IQSEC3: variants seen among roughly 807,000 people sequenced by gnomAD.
IQSEC3 encodes IQ motif and Sec7 domain ArfGEF 3, also known as IQ motif and SEC7 domain-containing protein 3.
A neutral mutation model predicts 105.4 loss-of-function variants in IQSEC3; 50 were observed. That is an observed-to-expected ratio of 0.47 (90% CI 0.38 to 0.60). IQSEC3 has a LOEUF of 0.60. Among genes scored for constraint, IQSEC3 ranks in the 20% least tolerant of loss-of-function variants. The pLI is 0.00. For missense variants in IQSEC3, 1,415 were observed against 1,630.0 expected (o/e 0.87, Z 2.27); for synonymous variants, 708 against 746.0 (o/e 0.95, Z 0.83).
chr12:146,538 C>T (rs7961026), intron 5 of IQSEC3, among the ~76,000 whole-genome samples: 82,227 of 151,910 alleles, frequency 0.54, 22,365 homozygotes, highest in Admixed American at 0.58. Context: ...CCCAGCTACT[C>T]GGGAGGCCAA....
chr12:150,963 G>T (rs1470125862), intron 5 of IQSEC3, among the ~76,000 whole-genome samples: 2 of 141,092 alleles, frequency 1.4e-5, no homozygotes, highest in African/African-American at 5.3e-5. Context: ...TCTCCAGCAT[G>T]TGTCTGCACC....
intron 1 of IQSEC3, among the ~76,000 whole-genome samples, chr12:97,290 A>G (rs1864269303): frequency 6.6e-6 from 1 of 152,010 alleles, no homozygotes; most frequent in African/African-American, 2.4e-5. Context: ...ATACTTTCCT[A>G]GTCTATCATG....
In IQSEC3 at chr12:151,422, C is replaced by T. The variant is rs1364694081; in HGVS notation, c.2154-5603C>T. On this transcript the variant is annotated intron_variant, in intron 5 of 13. Transcript: ENST00000538872. The stretch of plus-strand genomic sequence containing the variant: ...ACCTCGAGTCCCATCTGTTCTTCCT[C>T]TAAGATGCAGCTGGATCATTCATTC... 3.3e-5 allele frequency among the ~76,000 whole-genome samples: 5 copies of T among 152,188 alleles called. No homozygotes were observed. The East Asian group carries it at 9.6e-4, about 29-fold the overall frequency.
At chr12:122,218 T>C (rs1555082082) in intron 2 of IQSEC3, among the ~76,000 whole-genome samples, 1 of 152,178 alleles carries the variant, frequency 6.6e-6, no homozygotes, top group Non-Finnish European at 1.5e-5. Flanking sequence ...GCCTGGAACC[T>C]TGGGGCCAGT....
At position 138,437 on chromosome 12, in the gene IQSEC3, A is replaced by T. The variant is rs1555087166; in HGVS notation, c.1074A>T (p.Ser358=). The part of the protein sequence containing the change: ...PRRISLRKVR[S]PTAESLAAEK... ...GGATCTCCCTGCGCAAGGTGCGGTC[A>T]CCCACGGCCGAGAGCCTGGCGGCCG... is the stretch of plus-strand genomic sequence containing the variant. Residue 358 remains serine, a synonymous_variant, in exon 4 of 14, where the codon TCA becomes TCT. Coordinates refer to ENST00000538872, the MANE Select transcript of IQSEC3 (RefSeq NM_001170738.2). The surrounding 1 kb of genome is among the most constrained non-coding windows in gnomAD (Gnocchi z 7.1). 1 of 1,605,780 alleles carries T rather than the reference A, an allele frequency of 6.2e-7. No homozygotes were observed. The highest frequency in any genetic ancestry group is 8.5e-7 in the Non-Finnish European group (1 of 1,179,418).
intron 1 of IQSEC3, among the ~76,000 whole-genome samples, chr12:70,135 G>A (rs1483991298): frequency 2.0e-5 from 3 of 152,270 alleles, no homozygotes; most frequent in Admixed American, 6.5e-5. Flanking sequence ...CCCCACTGAG[G>A]TGGCTGAAGA....
chr12:87,515 C>T (rs1344827842), intron 1 of IQSEC3, among the ~76,000 whole-genome samples: 7 of 152,136 alleles, frequency 4.6e-5, no homozygotes, highest in African/African-American at 1.7e-4. Context: ...TGCTAGGCCT[C>T]TGGGGGAAGA....
intron 5 of IQSEC3, chr12:142,166 G>A (rs76270974): frequency 6.6e-6 from 1 of 152,278 alleles, no homozygotes; most frequent in African/African-American, 2.4e-5. Context: ...GTCAGCAGAA[G>A]TGTCTCCCCG....
intron 7 of IQSEC3, among the ~76,000 whole-genome samples, chr12:161,560 G>A (rs979731652): frequency 1.3e-5 from 2 of 152,246 alleles, no homozygotes; most frequent in East Asian, 3.9e-4. Flanking sequence ...GGGTGGAGCT[G>A]GGGGGTGAGA....
intron 3 of IQSEC3, among the ~76,000 whole-genome samples, chr12:132,209 G>A (rs1394231316): frequency 2.0e-5 from 3 of 152,142 alleles, no homozygotes; most frequent in African/African-American, 7.2e-5. Context: ...GGGAGTTGAG[G>A]TTGGGGAGAG....
At chr12:71,500 A>G (rs1389496463) in intron 1 of IQSEC3, among the ~76,000 whole-genome samples, 2 of 152,282 alleles carry the variant, frequency 1.3e-5, no homozygotes, top group Non-Finnish European at 2.9e-5. Flanking sequence ...TGAGTATACA[A>G]ATTATGTTAA....
Position 170,994 on chromosome 12 carries a change from C to T in IQSEC3, c.3065-118C>T, listed in dbSNP as rs559017730. ...AGAGTGGGGCTCCCAACCTCCGCCT[C>T]AGTGAGGAGCAGTGTGACCCCAAGT... is the stretch of plus-strand genomic sequence containing the variant. On this transcript the variant is annotated intron_variant, in intron 12 of 13. Transcript: ENST00000538872. The T allele has an allele frequency of 3.4e-5, 43 of 1,253,992 alleles. 1 individual carries two copies. Among genetic ancestry groups the T allele is most frequent in the Non-Finnish European group, 4.8e-5 (42 of 870,646 alleles). The allele number at this position is 1,253,992 out of a possible 1,614,324, so 77.7% of individuals were successfully genotyped here.
chr12:173,522 T>C (rs1022400787), intron 13 of IQSEC3, among the ~76,000 whole-genome samples: 1 of 152,130 alleles, frequency 6.6e-6, no homozygotes, highest in African/African-American at 2.4e-5. Flanking sequence ...GGTCTAGGCC[T>C]GGGATGAGGT....
intron 3 of IQSEC3, among the ~76,000 whole-genome samples, chr12:126,983 C>G (rs1865436701): frequency 6.6e-6 from 1 of 152,106 alleles, no homozygotes; most frequent in African/African-American, 2.4e-5. Flanking sequence ...CCCAAGATAC[C>G]CTATGTGCAC....
rs782064836 is a variant in IQSEC3, at chr12:165,882, G to A, written c.2963G>A (p.Arg988Gln). 46 of 1,613,818 alleles carry A rather than the reference G, an allele frequency of 2.9e-5. No individual in the cohort carries two copies. Among genetic ancestry groups the A allele is most frequent in the Admixed American group, 6.7e-5 (4 of 59,998 alleles). ...IAEVTELEQI[R>Q]IEWELEKQQG... Reference sequence around the variant, plus strand: ...GAGGTGACGGAGCTGGAGCAGATCCGAATAGAGTGTAAGGACACGGGCTCC... The same window carrying A: ...GAGGTGACGGAGCTGGAGCAGATCCAAATAGAGTGTAAGGACACGGGCTCC... The change falls in exon 11 of 14, where the codon CGA becomes CAA. Residue 988 changes from arginine to glutamine, a missense_variant. Transcript: ENST00000538872.
At chr12:171,318 C>G (rs1938983327) in intron 13 of IQSEC3, 157 bp downstream of exon 13, 4 of 1,613,644 alleles carry the variant, frequency 2.5e-6, no homozygotes, top group African/African-American at 2.7e-5. Context: ...AAAGTTACTG[C>G]TAGCATGGGT....
In IQSEC3 at chr12:157,083, T is replaced by C. The variant is rs1164535611; in HGVS notation, c.2212T>C (p.Phe738Leu). The C allele has an allele frequency of 8.7e-6, 14 of 1,606,362 alleles. No homozygotes were observed. The highest frequency in any genetic ancestry group is 1.3e-5 in the African/African-American group (1 of 74,760). The change falls in exon 6 of 14, where the codon TTC becomes CTC. Residue 738 changes from phenylalanine (F) to leucine (L), a missense_variant. Physicochemically the swap from Phe to Leu is conservative, Grantham distance 22 (BLOSUM62 0). Transcript: ENST00000538872. ...SMELDEALRK[F>L]QAHIRVQGEA... ...GGAGCTGGACGAGGCCCTGCGCAAG[T>C]TCCAGGCACACATCCGTGTGCAGGG... is the stretch of plus-strand genomic sequence containing the variant.
intron 3 of IQSEC3, among the ~76,000 whole-genome samples, chr12:135,489 C>T (rs547349861): frequency 1.1e-4 from 17 of 152,292 alleles, no homozygotes; most frequent in Non-Finnish European, 2.5e-4. Flanking sequence ...TCAGATGGCC[C>T]CCAAGTCCCC....
In IQSEC3 at chr12:163,485, C is replaced by T. The variant is rs1427742237; in HGVS notation, c.2584-9C>T. ...GGTCTCTCCCGCTGAGCGCCCTGCC[C>T]GCGTGCAGGTGCTGTCCGTGCCCCA... is the stretch of plus-strand genomic sequence containing the variant. On this transcript the variant is annotated splice_polypyrimidine_tract_variant and intron_variant, in intron 8 of 13. Transcript: ENST00000538872. 6 of 1,597,216 alleles carry T rather than the reference C, an allele frequency of 3.8e-6. No individual in the cohort carries two copies. The highest frequency in any genetic ancestry group is 2.3e-5 in the East Asian group (1 of 44,420).
Sources: allele counts gnomAD v4.1 joint callset (sites outside exome capture counted in the v4.1 genomes callset), GRCh38; gene constraint gnomAD v4.1.1; non-coding constraint Gnocchi (gnomAD v3.1); transcripts MANE v1.5; gene names NCBI Gene and HGNC (gene_info 2026-07-23, HGNC 2026-07-21).